ABCC1: variants seen among roughly 807,000 people sequenced by gnomAD.
ABCC1 encodes ATP binding cassette subfamily C member 1 (ABCC1 blood group).
In ABCC1, 83 loss-of-function variants were observed where a neutral mutation model predicts 172.9. The ratio of observed to expected loss-of-function variants is 0.48; its 90% confidence interval spans 0.40 to 0.58. ABCC1 has a LOEUF of 0.58. Among genes scored for constraint, ABCC1 ranks in the 20% least tolerant of loss-of-function variants. ABCC1 has a pLI of 0.00. For synonymous variants in ABCC1, 937 were observed against 825.2 expected (o/e 1.14, Z -2.32); for missense variants, 1,817 against 2,002.7 (o/e 0.91, Z 1.77).
intron 1 of ABCC1, among the ~76,000 whole-genome samples, chr16:15,972,232 T>C (rs2046385283): frequency 6.6e-6 from 1 of 152,136 alleles, no homozygotes; most frequent in Non-Finnish European, 1.5e-5. Context: ...TCCCCAGCTG[T>C]TTTGCCCCTC....
intron 19 of ABCC1, among the ~76,000 whole-genome samples, chr16:16,097,081 G>T (rs1349686044): frequency 6.6e-6 from 1 of 151,902 alleles, no homozygotes; most frequent in Non-Finnish European, 1.5e-5. Context: ...TCTTCCTTTG[G>T]AATTTAAGAT....
At chr16:16,083,211 C>G (rs2050872787) in intron 16 of ABCC1, among the ~76,000 whole-genome samples, 155 bp from the exon 17 acceptor site, 1 of 152,170 alleles carries the variant, frequency 6.6e-6, no homozygotes, top group African/African-American at 2.4e-5. Context: ...ATCTGTTGTC[C>G]TTTGTGAGTC....
rs905537834 is a variant in ABCC1 at position 16,068,186 on chromosome 16, A to G, written c.1708A>G (p.Thr570Ala). 1.2e-6 allele frequency: 2 copies of G among 1,614,094 alleles called. No homozygotes were observed. The highest frequency in any genetic ancestry group is 1.7e-6 in the Non-Finnish European group (2 of 1,180,028). ...VALCTFAVYV[T>A]IDENNILDAQ... ...CTTGTGCACATTTGCCGTCTACGTGACCATTGACGAGAACAACATCCTGGA... is the reference window on the plus strand; with the variant it reads ...CTTGTGCACATTTGCCGTCTACGTGGCCATTGACGAGAACAACATCCTGGA... The change falls in exon 13 of 31, where the codon ACC (threonine) becomes GCC (alanine). Residue 570 changes from threonine to alanine, a missense_variant. Thr to Ala is a moderately conservative substitution (Grantham distance 58). This residue lies in a region of ABCC1 where 1,412 missense variants were observed against 1,600.3 expected (regional missense o/e 0.88). Transcript: ENST00000399410.
chr16:15,991,271 T>TTGTG (rs1244393982), intron 1 of ABCC1, among the ~76,000 whole-genome samples: 1 of 151,036 alleles, frequency 6.6e-6, no homozygotes, highest in Non-Finnish European at 1.5e-5. Context: ...CAGGGAAGCT[T>TTGTG]TGTGTGTGTG....
chr16:16,079,323 G>T, intron 15 of ABCC1, 29 bp from the exon 16 acceptor site: 1 of 1,610,526 alleles, frequency 6.2e-7, no homozygotes, highest in Non-Finnish European at 8.5e-7. Context: ...ATTCAGCGTG[G>T]CTGAGCCAGG....
At chr16:16,128,635 A>G (rs1409241425) in intron 26 of ABCC1, among the ~76,000 whole-genome samples, 2 of 152,212 alleles carry the variant, frequency 1.3e-5, no homozygotes, top group African/African-American at 4.8e-5. Context: ...CTGTGTTGTT[A>G]TAGCATCTCC....
chr16:16,090,629 G>GC, intron 19 of ABCC1, 41 bp downstream of exon 19: 1 of 1,515,392 alleles, frequency 6.6e-7, no homozygotes, highest in Non-Finnish European at 8.9e-7. Context: ...AGGGTGTCTG[G>GC]CACCTTGAAG....
At chr16:15,980,262 T>G (rs1473951326) in intron 1 of ABCC1, among the ~76,000 whole-genome samples, 1 of 152,068 alleles carries the variant, frequency 6.6e-6, no homozygotes, top group Non-Finnish European at 1.5e-5. Flanking sequence ...CTCAGCACTT[T>G]GAGAGGCCAA....
At chr16:16,087,461 G>A (rs921189690) in intron 18 of ABCC1, among the ~76,000 whole-genome samples, 3 of 151,762 alleles carry the variant, frequency 2.0e-5, no homozygotes, top group Middle Eastern at 3.2e-3. Context: ...TTCTCCCCCT[G>A]ATTTTATTTT....
chr16:16,138,238 G>A, intron 29 of ABCC1, 126 bp from the exon 30 acceptor site: 2 of 763,990 alleles, frequency 2.6e-6, no homozygotes, highest in East Asian at 5.3e-5. Flanking sequence ...GATGTTGGGA[G>A]TGGACATGCT....
At chr16:16,085,560 G>A (rs1267232960) in intron 17 of ABCC1, among the ~76,000 whole-genome samples, 1 of 152,202 alleles carries the variant, frequency 6.6e-6, no homozygotes, top group African/African-American at 2.4e-5. Context: ...TGGGAGGATT[G>A]TCTGAGGTCA....
chr16:15,985,758 T>G (rs1195961589), intron 1 of ABCC1, among the ~76,000 whole-genome samples: 1 of 152,036 alleles, frequency 6.6e-6, no homozygotes, highest in Non-Finnish European at 1.5e-5. Flanking sequence ...ATTGGTTTCT[T>G]ATTGCTGGTA....
intron 5 of ABCC1, among the ~76,000 whole-genome samples, chr16:16,030,055 CTG>C (rs1290260384): frequency 1.3e-5 from 2 of 152,136 alleles, no homozygotes; most frequent in African/African-American, 2.4e-5. Context: ...GAATAAATGA[CTG>C]TTTTCCTCAG....
In ABCC1 at chr16:15,985,267, C is replaced by A. The variant is rs530252764; in HGVS notation, c.49-22549C>A. On this transcript the variant is annotated intron_variant, in intron 1 of 30. Transcript: ENST00000399410. Reference sequence around the variant, plus strand: ...AGGCATTAGAAATGCCCTGGGAGGGCAGAACCCGGGGCTTCACTGGAGGTG... The same window carrying A: ...AGGCATTAGAAATGCCCTGGGAGGGAAGAACCCGGGGCTTCACTGGAGGTG... 2.0e-5 allele frequency among the ~76,000 whole-genome samples: 3 copies of A among 152,298 alleles called. No individual in the cohort carries two copies. The East Asian group carries it at 5.8e-4, about 29-fold the overall frequency.
intron 13 of ABCC1, among the ~76,000 whole-genome samples, chr16:16,071,260 AT>A (rs55691800): frequency 0.029 from 3,775 of 130,500 alleles, 108 homozygotes; most frequent in African/African-American, 0.082. Context: ...AATTTTATGT[AT>A]TTTTTTTTTT....
intron 1 of ABCC1, among the ~76,000 whole-genome samples, chr16:15,999,958 G>C (rs918198827): frequency 2.7e-5 from 4 of 148,792 alleles, no homozygotes; most frequent in Non-Finnish European, 5.9e-5. Flanking sequence ...AGGTTCAAGT[G>C]ATTCTTCTGC....
chr16:16,139,612 A>AAC (rs2046055739), intron 30 of ABCC1, among the ~76,000 whole-genome samples: 2 of 42,384 alleles, frequency 4.7e-5, no homozygotes, highest in East Asian at 1.0e-3. Context: ...ACTCCATCTC[A>AAC]AAAAAAAAAA....
intron 30 of ABCC1, among the ~76,000 whole-genome samples, chr16:16,140,095 G>C (rs1347251616): frequency 6.6e-6 from 1 of 152,220 alleles, no homozygotes; most frequent in African/African-American, 2.4e-5. Context: ...GGATCTAAAG[G>C]AAGAACATTC....
intron 3 of ABCC1, among the ~76,000 whole-genome samples, chr16:16,012,205 A>AGT (rs888022162): frequency 1.6e-4 from 24 of 152,190 alleles, no homozygotes; most frequent in African/African-American, 5.5e-4. Flanking sequence ...AGGTAAGCAA[A>AGT]GTGTGGTACA....
Sources: gnomAD v4.1 joint callset for allele counts (sites outside exome capture counted in the v4.1 genomes callset) on GRCh38, gnomAD v4.1.1 for gene constraint, gnomAD v4.1.1 regional missense constraint, MANE v1.5 for transcripts, NCBI Gene and HGNC (gene_info 2026-07-23, HGNC 2026-07-21) for gene names.